Variants in DCHS2 observed in about 807,000 individuals in gnomAD.
DCHS2 encodes dachsous cadherin-related 2, also known as protocadherin-23.
A neutral mutation model predicts 182.4 loss-of-function variants in DCHS2; 142 were observed. That is an observed-to-expected ratio of 0.78 (90% confidence interval 0.68 to 0.89). The LOEUF (loss-of-function observed/expected upper bound fraction) is 0.89, where lower values mean the gene tolerates loss of function less well. Among genes scored for constraint, DCHS2 ranks in the 40% least tolerant of loss-of-function variants. The pLI is 0.00. For synonymous variants in DCHS2, 1,740 were observed against 1,663.3 expected (o/e 1.05, Z -1.12); for missense variants, 4,319 against 4,198.6 (o/e 1.03, Z -0.79).
At position 154,489,814 on chromosome 4, in the gene DCHS2, C is replaced by T; in HGVS notation, c.1542G>A (p.Ala514=). 1.3e-6 allele frequency: 2 copies of T among 1,551,444 alleles called. No individual in the cohort carries two copies. Among genetic ancestry groups the T allele is most frequent in the African/African-American group, 1.4e-5 (1 of 73,156 alleles). ...LYELLLVATD[A]GSPPLSTEET... is the part of the protein sequence containing the mutation. Reference sequence around the variant, plus strand: ...CCTCCGTGCTCAGCGGCGGGGACCCCGCGTCCGTGGCCACCAGTAGTAACT... The same window carrying T: ...CCTCCGTGCTCAGCGGCGGGGACCCTGCGTCCGTGGCCACCAGTAGTAACT... The change falls in exon 1 of 20, where the codon GCG becomes GCA. Residue 514 remains alanine, a synonymous_variant. Transcript: ENST00000357232.
intron 1 of DCHS2, among the ~76,000 whole-genome samples, chr4:154,400,771 G>T (rs1435498814): frequency 6.6e-6 from 1 of 151,992 alleles, no homozygotes; most frequent in Non-Finnish European, 1.5e-5. Flanking sequence ...CTCATGTAAC[G>T]TTGCACACAT....
intron 10 of DCHS2, among the ~76,000 whole-genome samples, chr4:154,314,297 C>T (rs1442613858): frequency 6.6e-6 from 1 of 152,118 alleles, no homozygotes; most frequent in East Asian, 1.9e-4. Context: ...GAGAACTTTA[C>T]TGAGCTAAAA....
chr4:154,484,008 G>A (rs112534431), intron 1 of DCHS2, among the ~76,000 whole-genome samples: 27 of 152,222 alleles, frequency 1.8e-4, no homozygotes, highest in African/African-American at 5.1e-4. Context: ...ACTACTGGCC[G>A]TTAATTCACA....
chr4:154,317,154 G>A (rs562918024), intron 9 of DCHS2, among the ~76,000 whole-genome samples: 76 of 152,292 alleles, frequency 5.0e-4, no homozygotes, highest in Middle Eastern at 3.4e-3. Flanking sequence ...TCATATGAAT[G>A]CATTTGGCAA....
At chr4:154,277,253 T>C (rs1220779695) in intron 13 of DCHS2, among the ~76,000 whole-genome samples, 2 of 152,100 alleles carry the variant, frequency 1.3e-5, no homozygotes, top group Non-Finnish European at 2.9e-5. Context: ...TTATAGCTTT[T>C]GAGGGGGCTA....
At chr4:154,265,126 TGTCA>T (rs1345939894) in intron 14 of DCHS2, among the ~76,000 whole-genome samples, 5 of 152,090 alleles carry the variant, frequency 3.3e-5, no homozygotes, top group African/African-American at 1.2e-4. Flanking sequence ...TACAGAAAAA[TGTCA>T]GTCTCTAGTT....
rs145861187 is a variant in DCHS2, at chr4:154,235,027, C to A, written c.9625G>T (p.Gly3209Cys). The A allele has an allele frequency of 6.2e-7, 1 of 1,613,840 alleles. No homozygotes were observed. Among genetic ancestry groups the A allele is most frequent in the African/African-American group, 1.3e-5 (1 of 74,894 alleles). The stretch of plus-strand genomic sequence containing the variant: ...GCTGCACACCTTACTTCCTGATCAC[C>A]TGAAATAAAGACAGACTCTTTTCTA... ...DVRKESVFIS[G>C]DQEVRCAALS... Residue 3209 changes from glycine to cysteine, a missense_variant, in exon 20 of 20, where the codon GGT (glycine) becomes TGT (cysteine). Transcript: ENST00000357232.
intron 1 of DCHS2, among the ~76,000 whole-genome samples, chr4:154,422,414 C>A (rs1016226311): frequency 6.6e-6 from 1 of 152,130 alleles, no homozygotes; most frequent in African/African-American, 2.4e-5. Flanking sequence ...CTTTTCTTTA[C>A]CCAGTAACCC....
At chr4:154,325,433 A>G (rs1343676603) in intron 7 of DCHS2, among the ~76,000 whole-genome samples, 1 of 151,920 alleles carries the variant, frequency 6.6e-6, no homozygotes, top group African/African-American at 2.4e-5. Flanking sequence ...ATAAGACAGG[A>G]AAAAAAGATA....
In DCHS2 at chr4:154,491,697, G is replaced by T; in HGVS notation, c.-342C>A. The T allele has an allele frequency of 8.9e-7, 1 of 1,120,200 alleles. No homozygotes were observed. The highest frequency in any genetic ancestry group is 1.1e-6 in the Non-Finnish European group (1 of 918,254). 69.4% of individuals were successfully genotyped at this position (1,120,200 alleles called of 1,614,324 possible). Reference sequence around the variant, plus strand: ...CTACTCGGCTGGTTGTTCCCCCCTGGTAAAGTCAGGTGCATTATTTCTTTT... The same window carrying T: ...CTACTCGGCTGGTTGTTCCCCCCTGTTAAAGTCAGGTGCATTATTTCTTTT... On this transcript the variant is annotated 5_prime_UTR_variant, in exon 1 of 20. Coordinates refer to ENST00000357232, the MANE Select transcript of DCHS2 (RefSeq NM_001358235.2).
Position 154,333,221 on chromosome 4 carries a change from G to C in DCHS2, c.2987C>G (p.Thr996Arg), listed in dbSNP as rs1728571353. 6.2e-7 allele frequency: 1 copy of C among 1,614,232 alleles called. No individual in the cohort carries two copies. The highest frequency in any genetic ancestry group is 8.5e-7 in the Non-Finnish European group (1 of 1,180,038). The part of the protein sequence containing the change: ...IRISQTTPPG[T>R]ALYLARAEDR... ...TTCCGCACGTGCGAGGTACAAGGCT[G>C]TGCCAGGGGGCGTGGTCTGGGATAT... is the stretch of plus-strand genomic sequence containing the variant. Residue 996 changes from threonine (T) to arginine (R), a missense_variant, in exon 5 of 20, where the codon ACA becomes AGA. Coordinates refer to ENST00000357232, the MANE Select transcript of DCHS2 (RefSeq NM_001358235.2).
At chr4:154,285,090 C>A (rs1414407225) in intron 13 of DCHS2, among the ~76,000 whole-genome samples, 1 of 151,908 alleles carries the variant, frequency 6.6e-6, no homozygotes, top group Admixed American at 6.6e-5. Context: ...CCATCCCAAG[C>A]CCTAGCTCCC....
At chr4:154,325,439 A>T (rs1736242699) in intron 7 of DCHS2, among the ~76,000 whole-genome samples, 2 of 152,030 alleles carry the variant, frequency 1.3e-5, no homozygotes, top group Admixed American at 1.3e-4. Context: ...CAGGAAAAAA[A>T]GATATAAAGA....
chr4:154,477,371 T>A (rs1339283215), intron 1 of DCHS2, among the ~76,000 whole-genome samples: 1 of 152,208 alleles, frequency 6.6e-6, no homozygotes, highest in East Asian at 1.9e-4. Context: ...GGATTAGGAC[T>A]TCAATGTATG....
In DCHS2 at chr4:154,232,267, T is replaced by C. The variant is rs898906756; in HGVS notation, c.*2269A>G. The C allele has an allele frequency of 1.3e-5, 2 of 152,116 alleles. No homozygotes were observed. The highest frequency in any genetic ancestry group is 2.9e-5 in the Non-Finnish European group (2 of 68,008). 9.4% of individuals were successfully genotyped at this position (152,116 alleles called of 1,614,324 possible). A position where few individuals can be genotyped will look rare whatever the true frequency, so the allele number is the denominator to read the frequency against. On this transcript the variant is annotated 3_prime_UTR_variant, in exon 20 of 20. Transcript: ENST00000357232. ...TCTAGTTGAAAGAGCTGACATACGA[T>C]TTATTGCAAACACTTAACCAGCGTG...
chr4:154,422,448 C>T (rs1021888939), intron 1 of DCHS2, among the ~76,000 whole-genome samples: 2 of 152,260 alleles, frequency 1.3e-5, no homozygotes, highest in African/African-American at 2.4e-5. Context: ...GTTCTATTGC[C>T]TCTACATTCA....
At chr4:154,307,031 G>T (rs1037472379) in intron 10 of DCHS2, among the ~76,000 whole-genome samples, 1 of 151,974 alleles carries the variant, frequency 6.6e-6, no homozygotes, top group Non-Finnish European at 1.5e-5. Flanking sequence ...TATTATTAAG[G>T]ATAAATAAGA....
chr4:154,306,230 TA>T (rs1228534329), intron 10 of DCHS2, among the ~76,000 whole-genome samples: 2 of 152,012 alleles, frequency 1.3e-5, no homozygotes, highest in Non-Finnish European at 2.9e-5. Flanking sequence ...GGAGGAGAAA[TA>T]TATTTGAGAT....
intron 1 of DCHS2, among the ~76,000 whole-genome samples, chr4:154,397,839 A>C (rs1005244602): frequency 6.6e-6 from 1 of 152,230 alleles, no homozygotes; most frequent in African/African-American, 2.4e-5. Context: ...GTGGTTGAGC[A>C]GTAGTTTTTT....
Sources: gnomAD v4.1 joint callset for allele counts (sites outside exome capture counted in the v4.1 genomes callset) on GRCh38, gnomAD v4.1.1 for gene constraint, MANE v1.5 for transcripts, NCBI Gene and HGNC (gene_info 2026-07-23, HGNC 2026-07-21) for gene names.